PLAUR: variants seen among roughly 807,000 people sequenced by gnomAD.
The protein encoded by PLAUR is plasminogen activator, urokinase receptor, also known as urokinase plasminogen activator surface receptor.
Under a neutral mutation model 33.4 loss-of-function variants are expected in PLAUR, and 22 were observed. That is an observed-to-expected ratio of 0.66 (90% CI 0.47 to 0.94). The LOEUF is 0.94. Ranked by LOEUF, PLAUR falls within the 40% of genes least tolerant of loss-of-function variation. The pLI, the probability that PLAUR is intolerant of heterozygous loss-of-function variation, is 0.00. For missense variants in PLAUR, 408 were observed against 434.7 expected (o/e 0.94, Z 0.55); for synonymous variants, 148 against 167.3 (o/e 0.88, Z 0.89).
At chr19:43,659,094 C>A (rs1048552825) in intron 3 of PLAUR, among the ~76,000 whole-genome samples, 1 of 151,790 alleles carries the variant, frequency 6.6e-6, no homozygotes, top group Non-Finnish European at 1.5e-5. Context: ...TGGGTGGTCA[C>A]TCATGGGTCT....
Position 43,655,541 on chromosome 19 carries a change from A to G in PLAUR, c.505T>C (p.Cys169Arg). 3 of 1,614,166 alleles carry G rather than the reference A, an allele frequency of 1.9e-6. No individual in the cohort carries two copies. In the East Asian group the frequency reaches 6.7e-5, roughly 36 times the overall value. The change falls in exon 5 of 7, where the codon TGT (cysteine) becomes CGT (arginine). Residue 169 changes from cysteine (C) to arginine (R), a missense_variant. Cys to Arg is a radical substitution (Grantham distance 180). Transcript: ENST00000340093. ...CCCGGGCAGCCGGGAAGGTAGCCACAGCCACGGAGGTGGCGGTCATCCTTT... is the reference window on the plus strand; with the variant it reads ...CCCGGGCAGCCGGGAAGGTAGCCACGGCCACGGAGGTGGCGGTCATCCTTT... ...RPKDDRHLRG[C>R]GYLPGCPGSN...
intron 3 of PLAUR, among the ~76,000 whole-genome samples, chr19:43,662,971 G>A (rs547225589): frequency 7.9e-5 from 12 of 152,200 alleles, no homozygotes; most frequent in Admixed American, 5.9e-4. Context: ...GATTACAGGC[G>A]TGAGCCACTG....
In PLAUR at chr19:43,648,773, C is replaced by A; in HGVS notation, c.*117G>T. 1.7e-6 allele frequency: 2 copies of A among 1,146,894 alleles called. No homozygotes were observed. Among genetic ancestry groups the A allele is most frequent in the South Asian group, 3.0e-5 (2 of 66,862 alleles). The allele number at this position is 1,146,894 out of a possible 1,614,324, so 71.0% of individuals were successfully genotyped here. On this transcript the variant is annotated 3_prime_UTR_variant, in exon 7 of 7. Transcript: ENST00000340093. ...GTTTTCATAGCTGGGAAAACTGAGG[C>A]CCAGAGAGGTCGGCACACTGGCCTG...
intron 3 of PLAUR, among the ~76,000 whole-genome samples, chr19:43,662,535 C>T (rs576492121): frequency 1.3e-5 from 2 of 152,060 alleles, no homozygotes; most frequent in African/African-American, 4.8e-5. Context: ...TCATGACATT[C>T]GCTGTTTAAA....
chr19:43,660,328 G>C (rs544428585), intron 3 of PLAUR, among the ~76,000 whole-genome samples: 25 of 120,314 alleles, frequency 2.1e-4, no homozygotes, highest in African/African-American at 9.0e-4. Flanking sequence ...ACCATACCCG[G>C]CTAATTTTTT....
At chr19:43,660,059 C>T (rs911747435) in intron 3 of PLAUR, among the ~76,000 whole-genome samples, 1 of 151,996 alleles carries the variant, frequency 6.6e-6, no homozygotes, top group Non-Finnish European at 1.5e-5. Context: ...GTCAATTGGT[C>T]CCTTTTATTT....
chr19:43,655,720 T>C lies in PLAUR; in HGVS notation c.473-147A>G, dbSNP rs892643249. 5.6e-6 allele frequency: 4 copies of C among 712,450 alleles called. No homozygotes were observed. The African/African-American group carries it at 7.2e-5, about 13-fold the overall frequency. The allele number at this position is 712,450 out of a possible 1,614,324, so 44.1% of individuals were successfully genotyped here. On this transcript the variant is annotated intron_variant, in intron 4 of 6. Transcript: ENST00000340093. Reference sequence around the variant, plus strand: ...TTTTATCTAGAACAGTCATAGATCTTGTCGAAAACTACATATTCCAGCCTC... The same window carrying C: ...TTTTATCTAGAACAGTCATAGATCTCGTCGAAAACTACATATTCCAGCCTC...
In PLAUR at chr19:43,649,148, G is replaced by A. The variant is rs1973888030; in HGVS notation, c.755-5C>T. The A allele has an allele frequency of 6.2e-7, 1 of 1,602,284 alleles. No individual in the cohort carries two copies. Among genetic ancestry groups the A allele is most frequent in the South Asian group, 1.1e-5 (1 of 90,948 alleles). On this transcript the variant is annotated splice_polypyrimidine_tract_variant and splice_region_variant and intron_variant, in intron 6 of 6. Coordinates refer to ENST00000340093, the MANE Select transcript of PLAUR (RefSeq NM_002659.4). ...TATAGCTTTGGTTTTTCGGTTCTGA[G>A]GAAAGAGAAGACGGAGTGAGACTTC... is the stretch of plus-strand genomic sequence containing the variant.
In PLAUR at chr19:43,652,221, T is replaced by A. The variant is rs1359328684; in HGVS notation, c.754+4A>T. 1 of 1,613,944 alleles carries A rather than the reference T, an allele frequency of 6.2e-7. No homozygotes were observed. Among genetic ancestry groups the A allele is most frequent in the East Asian group, 2.2e-5 (1 of 44,868 alleles). On this transcript the variant is annotated splice_donor_region_variant and intron_variant, in intron 6 of 6. Coordinates refer to ENST00000340093, the MANE Select transcript of PLAUR (RefSeq NM_002659.4). ...TTCCCTCCCAGCCTCGGAGAGGGCC[T>A]CACCGTGAGTGCCGGTGGCTACCAG...
chr19:43,655,030 C>T (rs768896548), intron 5 of PLAUR, among the ~76,000 whole-genome samples: 1 of 152,054 alleles, frequency 6.6e-6, no homozygotes, highest in Non-Finnish European at 1.5e-5. Context: ...TACCCCAGCA[C>T]TTTGTGAGGC....
chr19:43,648,706 C>G lies in PLAUR; in HGVS notation c.*184G>C. The G allele has an allele frequency of 1.2e-6, 1 of 824,542 alleles. No individual in the cohort carries two copies. The highest frequency in any genetic ancestry group is 1.8e-6 in the Non-Finnish European group (1 of 554,958). The allele number at this position is 824,542 out of a possible 1,614,324, so 51.1% of individuals were successfully genotyped here. A position where few individuals can be genotyped will look rare whatever the true frequency, so the allele number is the denominator to read the frequency against. On this transcript the variant is annotated 3_prime_UTR_variant, in exon 7 of 7. Coordinates refer to ENST00000340093, the MANE Select transcript of PLAUR (RefSeq NM_002659.4). ...TCTCCCATTGGCCCACGGCCTTCCT[C>G]CAGCTTTTCTCTTCTGCTTCACACA...
chr19:43,658,920 C>T (rs1240257976), intron 3 of PLAUR, among the ~76,000 whole-genome samples: 1 of 152,098 alleles, frequency 6.6e-6, no homozygotes, highest in East Asian at 1.9e-4. Context: ...ACCTAGAACA[C>T]CTTTTCCTTG....
At chr19:43,658,504 T>A (rs561068710) in intron 3 of PLAUR, among the ~76,000 whole-genome samples, 2 of 152,340 alleles carry the variant, frequency 1.3e-5, no homozygotes, top group East Asian at 3.9e-4. Context: ...TACCTAATTG[T>A]CCCAGGGATC....
At position 43,648,847 on chromosome 19, in the gene PLAUR, G is replaced by A. The variant is rs201932652; in HGVS notation, c.*43C>T. 57 of 1,583,104 alleles carry A rather than the reference G, an allele frequency of 3.6e-5. No individual in the cohort carries two copies. The Middle Eastern group carries it at 6.4e-4, about 18-fold the overall frequency. ...GCTGGGAGCCGAGGGAAGGGCAAAG[G>A]GGTCCCCCGGATCCAGCCAGGGCAG... is the stretch of plus-strand genomic sequence containing the variant. On this transcript the variant is annotated 3_prime_UTR_variant, in exon 7 of 7. Coordinates refer to ENST00000340093, the MANE Select transcript of PLAUR (RefSeq NM_002659.4).
chr19:43,663,320 CACACACACACA>C (rs1967085237), intron 3 of PLAUR, among the ~76,000 whole-genome samples: 1 of 150,150 alleles, frequency 6.7e-6, no homozygotes, highest in Admixed American at 6.7e-5. Flanking sequence ...CACACACACA[CACACACACACA>C]CACACACACA....
At chr19:43,646,868 C>T (rs1973834022), downstream of PLAUR, among the ~76,000 whole-genome samples, 1 of 149,110 alleles carries the variant, frequency 6.7e-6, no homozygotes, top group Non-Finnish European at 1.5e-5. Flanking sequence ...ACAACCTCCT[C>T]CTCCTGGGTT....
At chr19:43,650,219 C>T (rs1349160383) in intron 6 of PLAUR, among the ~76,000 whole-genome samples, 2 of 151,602 alleles carry the variant, frequency 1.3e-5, no homozygotes, top group Non-Finnish European at 2.9e-5. Flanking sequence ...CCATATTGGC[C>T]AGGCTGGTCT....
intron 1 of PLAUR, 118 bp from the exon 2 acceptor site, chr19:43,667,809 G>T (rs774382938): frequency 6.7e-7 from 1 of 1,487,260 alleles, no homozygotes; most frequent in South Asian, 1.3e-5. Flanking sequence ...ATTCAGATTC[G>T]TGTCCATGTT....
At chr19:43,665,135 T>TG (rs1424075446) in intron 3 of PLAUR, 181 bp downstream of exon 3, 6 of 616,898 alleles carry the variant, frequency 9.7e-6, no homozygotes, top group Non-Finnish European at 1.7e-5. Context: ...GGGTTGGATA[T>TG]GGGGTCAAGA....
Sources: allele counts gnomAD v4.1 joint callset (sites outside exome capture counted in the v4.1 genomes callset), GRCh38; gene constraint gnomAD v4.1.1; transcripts MANE v1.5; gene names NCBI Gene and HGNC (gene_info 2026-07-23, HGNC 2026-07-21).